The following ANKMY2 variants were observed in gnomAD, a reference collection of about 807,000 sequenced individuals.
ANKMY2 encodes the protein ankyrin repeat and MYND domain containing 2.
ANKMY2 carries 36 observed loss-of-function variants against 50.4 expected under a neutral mutation model. The ratio of observed to expected loss-of-function variants is 0.71; its 90% CI spans 0.55 to 0.94. ANKMY2 has a LOEUF of 0.94. ANKMY2 is among the 40% of genes least tolerant of loss of function. The pLI is 0.00. For missense variants in ANKMY2, 565 were observed against 524.0 expected (o/e 1.08, Z -0.76); for synonymous variants, 187 against 178.8 (o/e 1.05, Z -0.36).
chr7:16,620,794 A>G (rs1245271547), intron 4 of ANKMY2, among the ~76,000 whole-genome samples: 1 of 152,226 alleles, frequency 6.6e-6, no homozygotes, highest in Non-Finnish European at 1.5e-5. Flanking sequence ...CTATATGTTT[A>G]TAAGTTATAC....
intron 2 of ANKMY2, among the ~76,000 whole-genome samples, chr7:16,628,842 C>A (rs1781540627): frequency 6.6e-6 from 1 of 152,094 alleles, no homozygotes; most frequent in Non-Finnish European, 1.5e-5. Context: ...GCAATCCAAC[C>A]TACAACAAGA....
At chr7:16,601,107 G>A (rs1354290222) in intron 9 of ANKMY2, among the ~76,000 whole-genome samples, 162 bp from the exon 10 acceptor site, 1 of 152,224 alleles carries the variant, frequency 6.6e-6, no homozygotes, top group African/African-American at 2.4e-5. Context: ...ACTGAGAAGA[G>A]AGAGGTTTGG....
intron 9 of ANKMY2, among the ~76,000 whole-genome samples, chr7:16,601,711 T>G (rs1332376958): frequency 6.6e-6 from 1 of 152,206 alleles, no homozygotes; most frequent in African/African-American, 2.4e-5. Flanking sequence ...TCAAATTACA[T>G]GCACTCCCCC....
At chr7:16,625,124 C>T (rs748462848) in intron 3 of ANKMY2, 43 bp from the exon 4 acceptor site, 26 of 1,505,426 alleles carry the variant, frequency 1.7e-5, no homozygotes, top group Non-Finnish European at 2.2e-5. Context: ...TTAAGGAGGA[C>T]ACAATTTAAA....
chr7:16,600,792 G>A lies in ANKMY2; in HGVS notation c.1295C>T (p.Ala432Val). The A allele has an allele frequency of 1.2e-6, 2 of 1,612,860 alleles. No homozygotes were observed. The highest frequency in any genetic ancestry group is 1.7e-6 in the Non-Finnish European group (2 of 1,179,424). Residue 432 changes from alanine (A) to valine (V), a missense_variant, in exon 10 of 10, where the codon GCT becomes GTT. By Grantham distance (64) the Ala-to-Val change is moderately conservative. Coordinates refer to ENST00000306999, the MANE Select transcript of ANKMY2 (RefSeq NM_020319.3). ...CTCAGACACCTGTGGCCCTGCAGGA[G>A]CATCCTGTAAGCCTTCCAACTCAGC... is the stretch of plus-strand genomic sequence containing the variant. Reference protein sequence around the residue: ...SEAELEGLQDAPAGPQVSEE With the variant: ...SEAELEGLQDVPAGPQVSEE
At chr7:16,604,983 C>T (rs1781128818) in intron 7 of ANKMY2, 134 bp from the exon 8 acceptor site, 3 of 863,346 alleles carry the variant, frequency 3.5e-6, no homozygotes, top group Non-Finnish European at 4.8e-6. Flanking sequence ...CTATAGATTA[C>T]ACAGGCTTTA....
chr7:16,609,814 C>A (rs781618335), intron 6 of ANKMY2, 49 bp from the exon 7 acceptor site: 1 of 1,594,082 alleles, frequency 6.3e-7, no homozygotes, highest in East Asian at 2.3e-5. Context: ...ACTAAGCATT[C>A]TCTCCTAGTT....
chr7:16,601,084 T>C lies in ANKMY2; in HGVS notation c.1142-139A>G, dbSNP rs541889372. ...TCTACTGTCATCGCTAACGTTATTT[T>C]ACAAATGAGAAAACTGAGAAGAGAG... is the stretch of plus-strand genomic sequence containing the variant. On this transcript the variant is annotated intron_variant, in intron 9 of 9. Transcript: ENST00000306999. 1.1e-4 allele frequency: 66 copies of C among 616,868 alleles called. 1 individual carries two copies. In the South Asian group the frequency reaches 3.4e-3, roughly 32 times the overall value. The allele number at this position is 616,868 out of a possible 1,614,324, so 38.2% of individuals were successfully genotyped here.
At chr7:16,645,139 T>C (rs1189551214) in intron 1 of ANKMY2, among the ~76,000 whole-genome samples, 1 of 152,092 alleles carries the variant, frequency 6.6e-6, no homozygotes, top group African/African-American at 2.4e-5. Context: ...CCTAAGAACC[T>C]GAAACTACCA....
chr7:16,627,151 C>T lies in ANKMY2; in HGVS notation c.160G>A (p.Ala54Thr). ...CACATATCGAGTTTTCCTTTATATG[C>T]TGCATGCATTAGAGGAGTCATTCCA... ...ENGMTPLMHA[A>T]YKGKLDMCKL... is the part of the protein sequence containing the mutation. The change falls in exon 3 of 10, where the codon GCA (alanine) becomes ACA (threonine). Residue 54 changes from alanine (A) to threonine (T), a missense_variant. Coordinates refer to ENST00000306999, the MANE Select transcript of ANKMY2 (RefSeq NM_020319.3). 6.2e-7 allele frequency: 1 copy of T among 1,602,188 alleles called. No individual in the cohort carries two copies.
In ANKMY2 at chr7:16,600,532, T is replaced by C. The variant is rs1180504164; in HGVS notation, c.*229A>G. On this transcript the variant is annotated 3_prime_UTR_variant, in exon 10 of 10. Transcript: ENST00000306999. ...AGGTAATAGGAATGTTTTTCCTGTA[T>C]TTTGAAACAAAAAATTTTCCATAGG... The C allele has an allele frequency of 3.5e-5, 13 of 369,066 alleles. No individual in the cohort carries two copies. Among genetic ancestry groups the C allele is most frequent in the Non-Finnish European group, 6.2e-5 (13 of 209,708 alleles). 22.9% of individuals were successfully genotyped at this position (369,066 alleles called of 1,614,324 possible). A position where few individuals can be genotyped will look rare whatever the true frequency, so the allele number is the denominator to read the frequency against.
chr7:16,605,683 T>A (rs1291376141), intron 7 of ANKMY2, among the ~76,000 whole-genome samples: 1 of 136,386 alleles, frequency 7.3e-6, no homozygotes, highest in Non-Finnish European at 1.6e-5. Context: ...ACTTTTTTTT[T>A]TTTTTTTTTT....
At chr7:16,622,631 T>A (rs550994079) in intron 4 of ANKMY2, among the ~76,000 whole-genome samples, 2 of 151,576 alleles carry the variant, frequency 1.3e-5, no homozygotes, top group Non-Finnish European at 2.9e-5. Context: ...TCCCAGCTAG[T>A]TGGGAGGCTG....
intron 8 of ANKMY2, among the ~76,000 whole-genome samples, chr7:16,603,898 G>C (rs1044228192): frequency 6.6e-6 from 1 of 152,222 alleles, no homozygotes; most frequent in Non-Finnish European, 1.5e-5. Flanking sequence ...ACAACTGTGA[G>C]AGAAAGACTA....
chr7:16,622,290 G>T lies in ANKMY2; in HGVS notation c.370+2693C>A, dbSNP rs545707762. On this transcript the variant is annotated intron_variant, in intron 4 of 9. Coordinates refer to ENST00000306999, the MANE Select transcript of ANKMY2 (RefSeq NM_020319.3). ...AAAATACAAATTACCAACAACAGAA[G>T]TGCTTAATTTCATAAATAATGAGGG... 1.1e-3 allele frequency among the ~76,000 whole-genome samples: 163 copies of T among 152,286 alleles called. 2 individuals carry two copies. The South Asian group carries it at 0.012, about 11-fold the overall frequency.
At chr7:16,639,204 T>C (rs1330730930) in intron 1 of ANKMY2, among the ~76,000 whole-genome samples, 2 of 152,182 alleles carry the variant, frequency 1.3e-5, no homozygotes, top group Non-Finnish European at 2.9e-5. Context: ...CACAGAAGGA[T>C]TTTTACTTTA....
chr7:16,615,955 A>G, intron 4 of ANKMY2, 51 bp from the exon 5 acceptor site: 1 of 1,512,958 alleles, frequency 6.6e-7, no homozygotes, highest in East Asian at 2.3e-5. Flanking sequence ...AAAATAACAC[A>G]TCTGGTTTTT....
intron 6 of ANKMY2, among the ~76,000 whole-genome samples, chr7:16,609,999 C>A (rs552120000): frequency 6.6e-6 from 1 of 152,314 alleles, no homozygotes; most frequent in South Asian, 2.1e-4. Flanking sequence ...ATAAAACACA[C>A]TAAACACTGT....
intron 1 of ANKMY2, chr7:16,644,586 T>G (rs147114186): frequency 2.4e-6 from 1 of 425,094 alleles, no homozygotes. Flanking sequence ...TATATTATTA[T>G]TGAGTTTAAA....
Sources: allele counts gnomAD v4.1 joint callset (sites outside exome capture counted in the v4.1 genomes callset), GRCh38; gene constraint gnomAD v4.1.1; transcripts MANE v1.5; gene names NCBI Gene and HGNC (gene_info 2026-07-23, HGNC 2026-07-21).